Variants in SNCAIP observed in about 807,000 individuals in gnomAD.
The protein encoded by SNCAIP is synphilin-1.
Under a neutral mutation model 86.7 loss-of-function variants are expected in SNCAIP, and 43 were observed. The ratio of observed to expected loss-of-function variants is 0.50; its 90% CI spans 0.39 to 0.64. The LOEUF (loss-of-function observed/expected upper bound fraction) is 0.64. Ranked by LOEUF, SNCAIP falls within the 30% of genes least tolerant of loss-of-function variation. SNCAIP has a pLI of 0.00. For synonymous variants in SNCAIP, 417 were observed against 427.2 expected (o/e 0.98, Z 0.29); for missense variants, 981 against 1,103.1 (o/e 0.89, Z 1.57).
chr5:122,350,409 A>G (rs756137199), intron 1 of SNCAIP, among the ~76,000 whole-genome samples: 10 of 152,082 alleles, frequency 6.6e-5, no homozygotes, highest in Non-Finnish European at 8.8e-5. Flanking sequence ...TCAGTATACA[A>G]TAGTATATTT....
chr5:122,326,179 G>A (rs972352162), intron 1 of SNCAIP, among the ~76,000 whole-genome samples: 1 of 152,090 alleles, frequency 6.6e-6, no homozygotes, highest in African/African-American at 2.4e-5. Flanking sequence ...ATGATCCTTA[G>A]GAATGAATTT....
intron 10 of SNCAIP, among the ~76,000 whole-genome samples, chr5:122,457,592 G>A (rs183060181): frequency 2.4e-4 from 36 of 151,774 alleles, no homozygotes; most frequent in African/African-American, 6.5e-4. Context: ...ACCCAACCCC[G>A]CCAACTCTTT....
chr5:122,417,324 T>G (rs1775513334), intron 3 of SNCAIP, among the ~76,000 whole-genome samples: 1 of 152,208 alleles, frequency 6.6e-6, no homozygotes, highest in African/African-American at 2.4e-5. Flanking sequence ...TGTTTCATAG[T>G]GAGTCATTCA....
chr5:122,332,250 C>T (rs976968613), intron 1 of SNCAIP, among the ~76,000 whole-genome samples: 3 of 152,208 alleles, frequency 2.0e-5, no homozygotes, highest in Non-Finnish European at 4.4e-5. Context: ...CGTTTTCCCA[C>T]TTAACAGTCG....
At chr5:122,453,601 A>G (rs562436065) in intron 10 of SNCAIP, among the ~76,000 whole-genome samples, 1 of 152,324 alleles carries the variant, frequency 6.6e-6, no homozygotes, top group East Asian at 1.9e-4. Context: ...TACATAACAC[A>G]GAAAGGAGAG....
In SNCAIP at chr5:122,425,543, G is replaced by C. The variant is rs1777189041; in HGVS notation, c.1182+12G>C. On this transcript the variant is annotated intron_variant, in intron 5 of 10. Transcript: ENST00000261368. ...GCCTGGCCATTAAGGTGACTGGTTG[G>C]GGGCTGGAACCTCCACAGCTAGAAG... 6.2e-7 allele frequency: 1 copy of C among 1,611,452 alleles called. No individual in the cohort carries two copies. The highest frequency in any genetic ancestry group is 8.5e-7 in the Non-Finnish European group (1 of 1,177,694).
chr5:122,381,133 C>G (rs1235285736), intron 1 of SNCAIP, among the ~76,000 whole-genome samples: 2 of 145,756 alleles, frequency 1.4e-5, no homozygotes, highest in Non-Finnish European at 3.0e-5. Context: ...CTAATGTTGA[C>G]AGTGGGGTGT....
At chr5:122,457,677 A>G (rs996238765) in intron 10 of SNCAIP, among the ~76,000 whole-genome samples, 1 of 151,884 alleles carries the variant, frequency 6.6e-6, no homozygotes, top group Admixed American at 6.6e-5. Flanking sequence ...TGTCCTGCCC[A>G]CACCCACCTC....
chr5:122,371,159 T>A (rs1363698268), intron 1 of SNCAIP, among the ~76,000 whole-genome samples: 1 of 151,682 alleles, frequency 6.6e-6, no homozygotes, highest in Non-Finnish European at 1.5e-5. Flanking sequence ...ACAAAAAAAA[T>A]TAAAAATTGG....
At chr5:122,388,573 G>A (rs1426142375) in intron 1 of SNCAIP, 1 of 152,298 alleles carries the variant, frequency 6.6e-6, no homozygotes, top group Non-Finnish European at 1.5e-5. Context: ...TTAGAAAAGA[G>A]TGCCTGAGAG....
chr5:122,441,141 C>T (rs535631873), intron 7 of SNCAIP: 7 of 228,780 alleles, frequency 3.1e-5, no homozygotes, highest in African/African-American at 1.6e-4. Flanking sequence ...ATTTCATCCT[C>T]CAGGTATATG....
Position 122,423,673 on chromosome 5 carries a change from G to GACCCACC in SNCAIP, c.937_938insCCCACCA (p.Ser313ThrfsTer4). The GACCCACC allele has an allele frequency of 6.2e-7, 1 of 1,609,664 alleles. No individual in the cohort carries two copies. Among genetic ancestry groups the GACCCACC allele is most frequent in the Non-Finnish European group, 8.5e-7 (1 of 1,179,878 alleles). On this transcript the variant is annotated frameshift_variant, in exon 4 of 11. Coordinates refer to ENST00000261368, the MANE Select transcript of SNCAIP (RefSeq NM_005460.4). LOFTEE classifies it high-confidence loss of function. ...CCAGCTCCCAAGGCCCAGAAGAAAGGAGTGAGTATCTGAAAAAAGTGAAAA... is the reference window on the plus strand; with the variant it reads ...CCAGCTCCCAAGGCCCAGAAGAAAGGACCCACCAGTGAGTATCTGAAAAAAGTGAAAA...
At chr5:122,346,857 C>T (rs1290796183) in intron 1 of SNCAIP, among the ~76,000 whole-genome samples, 1 of 151,072 alleles carries the variant, frequency 6.6e-6, no homozygotes, top group East Asian at 1.9e-4. Context: ...GTTTTCAGAC[C>T]TTTTGGTAGC....
At chr5:122,444,831 G>A in intron 8 of SNCAIP, 99 bp downstream of exon 8, 1 of 1,012,450 alleles carries the variant, frequency 9.9e-7, no homozygotes, top group South Asian at 1.3e-5. Flanking sequence ...CTTTCCAGTT[G>A]TACAGGGAAT....
chr5:122,389,276 T>G (rs1434745559), intron 1 of SNCAIP: 3 of 152,212 alleles, frequency 2.0e-5, no homozygotes, highest in Non-Finnish European at 4.4e-5. Flanking sequence ...TCTCCCCATA[T>G]TTCCATGTTC....
intron 6 of SNCAIP, among the ~76,000 whole-genome samples, chr5:122,434,924 G>T (rs961747933): frequency 1.3e-5 from 2 of 152,176 alleles, no homozygotes; most frequent in Non-Finnish European, 2.9e-5. Flanking sequence ...GGAAAGGATA[G>T]TACAGAGGAA....
At chr5:122,339,105 G>T (rs924458617) in intron 1 of SNCAIP, among the ~76,000 whole-genome samples, 6 of 151,468 alleles carry the variant, frequency 4.0e-5, no homozygotes, top group Non-Finnish European at 8.8e-5. Context: ...TCTGGAGAAA[G>T]TTGAGTTTGT....
At chr5:122,367,187 G>C (rs931393839) in intron 1 of SNCAIP, among the ~76,000 whole-genome samples, 11 of 152,080 alleles carry the variant, frequency 7.2e-5, no homozygotes, top group African/African-American at 2.7e-4. Flanking sequence ...ATAGGTATTA[G>C]TGGGTGAGTA....
chr5:122,386,722 T>C (rs918109662), intron 1 of SNCAIP, among the ~76,000 whole-genome samples: 7 of 151,968 alleles, frequency 4.6e-5, no homozygotes, highest in Admixed American at 1.3e-4. Context: ...TCCCTCTCTA[T>C]CAGTTTTCCT....
Sources: gnomAD v4.1 joint callset for allele counts (sites outside exome capture counted in the v4.1 genomes callset) on GRCh38, gnomAD v4.1.1 for gene constraint, MANE v1.5 for transcripts, NCBI Gene and HGNC (gene_info 2026-07-23, HGNC 2026-07-21) for gene names.